Variants in TET3 observed in about 807,000 individuals in gnomAD.
TET3 encodes methylcytosine dioxygenase TET3.
A neutral mutation model predicts 141.4 loss-of-function variants in TET3; 19 were observed. That is an observed-to-expected ratio of 0.13 (90% CI 0.09 to 0.20). The LOEUF is 0.20. Among genes scored for constraint, TET3 ranks in the 10% least tolerant of loss-of-function variants. The pLI is 1.00. For missense variants in TET3, 1,874 were observed against 2,356.9 expected (o/e 0.80, Z 4.24); for synonymous variants, 1,043 against 980.9 (o/e 1.06, Z -1.18).
intron 4 of TET3, among the ~76,000 whole-genome samples, chr2:74,058,086 T>C (rs565821167): frequency 6.6e-6 from 1 of 152,284 alleles, no homozygotes; most frequent in Non-Finnish European, 1.5e-5. Flanking sequence ...GTGAGAGTTA[T>C]GGATTAAATT....
the TET3 span, among the ~76,000 whole-genome samples, chr2:74,131,535 C>G: frequency 6.6e-6 from 1 of 152,278 alleles, no homozygotes; most frequent in Admixed American, 6.5e-5. Flanking sequence ...CCCTACACTG[C>G]TAGTTAGGTG....
chr2:74,032,939 T>C (rs533185359), intron 3 of TET3, among the ~76,000 whole-genome samples: 1 of 152,202 alleles, frequency 6.6e-6, no homozygotes, highest in Admixed American at 6.5e-5. Flanking sequence ...TGGCACCCCA[T>C]CTCAACTAGG....
intron 11 of TET3, among the ~76,000 whole-genome samples, chr2:74,100,148 G>A (rs918392475): frequency 6.6e-6 from 1 of 152,146 alleles, no homozygotes; most frequent in Non-Finnish European, 1.5e-5. Context: ...CCCCGCATGA[G>A]GTGCTTCTCA....
chr2:74,002,857 C>G (rs998903206), intron 2 of TET3: 1 of 568,448 alleles, frequency 1.8e-6, no homozygotes, highest in African/African-American at 1.9e-5. Context: ...GGTCGCCGTC[C>G]TCTCGGATCT....
intron 3 of TET3, among the ~76,000 whole-genome samples, chr2:74,011,265 A>C (rs1415741455): frequency 6.6e-6 from 1 of 151,918 alleles, no homozygotes; most frequent in African/African-American, 2.4e-5. Flanking sequence ...AAATTGAAGT[A>C]TAGTATACAC....
chr2:74,092,316 T>A (rs1047447846), intron 8 of TET3, among the ~76,000 whole-genome samples: 1 of 151,740 alleles, frequency 6.6e-6, no homozygotes, highest in Admixed American at 6.6e-5. Context: ...AAAAAAAAAA[T>A]TAGAATTCAT....
chr2:74,086,100 G>C (rs948659990), intron 6 of TET3, among the ~76,000 whole-genome samples: 1 of 152,126 alleles, frequency 6.6e-6, no homozygotes, highest in Admixed American at 6.5e-5. Context: ...ACCATCCTGC[G>C]TGGAGTTCCC....
At chr2:74,074,481 G>A (rs1281237498) in intron 5 of TET3, among the ~76,000 whole-genome samples, 1 of 152,190 alleles carries the variant, frequency 6.6e-6, no homozygotes, top group East Asian at 1.9e-4. Context: ...TGGTTTTTGA[G>A]CAGTTCATGC....
chr2:74,007,660 A>G (rs945556380), intron 3 of TET3, among the ~76,000 whole-genome samples: 1 of 151,530 alleles, frequency 6.6e-6, no homozygotes, highest in Non-Finnish European at 1.5e-5. Context: ...TCTGTTTTCT[A>G]CTCTACTCCT....
Position 74,047,153 on chromosome 2 carries a change from A to G in TET3, c.1236A>G (p.Glu412=), listed in dbSNP as rs1274992253. 1.9e-6 allele frequency: 3 copies of G among 1,613,764 alleles called. No homozygotes were observed. Among genetic ancestry groups the G allele is most frequent in the Non-Finnish European group, 1.7e-6 (2 of 1,179,820 alleles). ...RAPSWPVVPP[E]EHSSFAPDSS... ...CCTCATGGCCTGTGGTTCCTCCTGAAGAGCACTCATCTTTTGCTCCTGATA... is the reference window on the plus strand; with the variant it reads ...CCTCATGGCCTGTGGTTCCTCCTGAGGAGCACTCATCTTTTGCTCCTGATA... Residue 412 remains glutamate (E), a synonymous_variant, in exon 4 of 12, where the codon GAA becomes GAG. Coordinates refer to ENST00000409262, the MANE Select transcript of TET3 (RefSeq NM_001287491.2).
chr2:74,109,505 AATCATCCCTGT>A (rs1177100126), downstream of TET3, among the ~76,000 whole-genome samples: 1 of 152,226 alleles, frequency 6.6e-6, no homozygotes. Context: ...AGAAGCATTT[AATCATCCCTGT>A]ATCACCAAAC....
chr2:74,117,568 T>C, the TET3 span, among the ~76,000 whole-genome samples: 10 of 152,108 alleles, frequency 6.6e-5, no homozygotes, highest in Middle Eastern at 3.2e-3. Context: ...GTCAAATTTA[T>C]AGAAAATTTG....
intron 4 of TET3, among the ~76,000 whole-genome samples, chr2:74,053,365 G>C (rs1184679794): frequency 6.6e-6 from 1 of 152,206 alleles, no homozygotes; most frequent in African/African-American, 2.4e-5. Context: ...CCCAAGAGGA[G>C]CCAGTTTAGG....
Position 74,048,419 on chromosome 2 carries a change from C to A in TET3, c.2494+8C>A. ...CCACCTGCGATTGCGTCGGTAAGTCCGCCTGGGTATCAGGGAAGGGCAGAG... is the reference window on the plus strand; with the variant it reads ...CCACCTGCGATTGCGTCGGTAAGTCAGCCTGGGTATCAGGGAAGGGCAGAG... On this transcript the variant is annotated splice_region_variant and intron_variant, in intron 4 of 11. Coordinates refer to ENST00000409262, the MANE Select transcript of TET3 (RefSeq NM_001287491.2). 1 of 1,598,214 alleles carries A rather than the reference C, an allele frequency of 6.3e-7. No homozygotes were observed. Among genetic ancestry groups the A allele is most frequent in the Non-Finnish European group, 8.5e-7 (1 of 1,170,532 alleles).
chr2:74,091,806 G>A (rs955463920), intron 8 of TET3, among the ~76,000 whole-genome samples: 3 of 152,270 alleles, frequency 2.0e-5, no homozygotes, highest in South Asian at 2.1e-4. Flanking sequence ...GCTTGTTTTC[G>A]GAGGGCCAGA....
At chr2:74,041,127 T>C (rs1687315521) in intron 3 of TET3, among the ~76,000 whole-genome samples, 1 of 152,146 alleles carries the variant, frequency 6.6e-6, no homozygotes, top group African/African-American at 2.4e-5. Context: ...TTTCCTCTGG[T>C]TGTTAGGGGG....
the TET3 span, among the ~76,000 whole-genome samples, chr2:74,116,092 GCCAACAAATATATGAAAAAATGC>G: frequency 6.6e-6 from 1 of 151,230 alleles, no homozygotes; most frequent in East Asian, 1.9e-4. Context: ...CATACAAATG[GCCAACAAATATATGAAAAAATGC>G]CCAACATCAC....
At chr2:74,075,320 CTTTTTTT>C (rs971111434) in intron 5 of TET3, among the ~76,000 whole-genome samples, 10 of 89,078 alleles carry the variant, frequency 1.1e-4, no homozygotes, top group African/African-American at 2.1e-4. Context: ...GAGCCAAATA[CTTTTTTT>C]TTTTTTTTTT....
Position 74,047,240 on chromosome 2 carries a change from C to T in TET3, c.1323C>T (p.Thr441=), listed in dbSNP as rs1444301184. ...TEFPEAWGTD[T]PPATPRSSWP... is the part of the protein sequence containing the mutation. ...TCCCTGAAGCCTGGGGCACTGACAC[C>T]CCTCCAGCAACGCCCCGGAGCTCCT... is the stretch of plus-strand genomic sequence containing the variant. The change falls in exon 4 of 12, where the codon ACC becomes ACT. Residue 441 remains threonine (T), a synonymous_variant. Transcript: ENST00000409262. 1.9e-6 allele frequency: 3 copies of T among 1,614,020 alleles called. No individual in the cohort carries two copies. Among genetic ancestry groups the T allele is most frequent in the Admixed American group, 3.3e-5 (2 of 60,034 alleles).
Sources: allele counts gnomAD v4.1 joint callset (sites outside exome capture counted in the v4.1 genomes callset), GRCh38; gene constraint gnomAD v4.1.1; transcripts MANE v1.5; gene names NCBI Gene and HGNC (gene_info 2026-07-23, HGNC 2026-07-21).